SLC6A19: variants seen among roughly 807,000 people sequenced by gnomAD.
SLC6A19 encodes solute carrier family 6 member 19.
SLC6A19 carries 67 observed loss-of-function variants against 68.3 expected under a neutral mutation model. The ratio of observed to expected loss-of-function variants is 0.98; its 90% confidence interval spans 0.81 to 1.20. The LOEUF (loss-of-function observed/expected upper bound fraction) is 1.20, where lower values mean the gene tolerates loss of function less well. Among genes scored for constraint, SLC6A19 ranks in the 50% most tolerant of loss-of-function variants. SLC6A19 has a pLI of 0.00. For synonymous variants in SLC6A19, 392 were observed against 374.9 expected (o/e 1.05, Z -0.53); for missense variants, 813 against 851.6 (o/e 0.95, Z 0.56).
intron 1 of SLC6A19, among the ~76,000 whole-genome samples, chr5:1,202,127 C>T (rs558879348): frequency 3.9e-5 from 6 of 152,172 alleles, no homozygotes; most frequent in Non-Finnish European, 5.9e-5. Context: ...AGTCCTGGAA[C>T]GTTCTGGCCT....
At chr5:1,202,625 C>A (rs913052017) in intron 1 of SLC6A19, among the ~76,000 whole-genome samples, 1 of 152,106 alleles carries the variant, frequency 6.6e-6, no homozygotes, top group Admixed American at 6.5e-5. Flanking sequence ...GCTTTCTCAG[C>A]GGAAGGTCCA....
At chr5:1,210,227 G>A (rs956920652) in intron 2 of SLC6A19, among the ~76,000 whole-genome samples, 13 of 151,884 alleles carry the variant, frequency 8.6e-5, no homozygotes, top group African/African-American at 2.7e-4. Context: ...CAGGGCAGGC[G>A]TGTGCCAGGA....
At chr5:1,205,422 G>A (rs1271123665) in intron 1 of SLC6A19, among the ~76,000 whole-genome samples, 1 of 152,216 alleles carries the variant, frequency 6.6e-6, no homozygotes, top group African/African-American at 2.4e-5. Flanking sequence ...GGGGTGGAGT[G>A]GGTGTGTGCC....
rs569151952 is a variant in SLC6A19 at position 1,214,423 on chromosome 5, C to T, written c.887+358C>T. On this transcript the variant is annotated intron_variant, in intron 6 of 11. Coordinates refer to ENST00000304460, the MANE Select transcript of SLC6A19 (RefSeq NM_001003841.3). The surrounding 1 kb of genome is among the most constrained non-coding windows in gnomAD (Gnocchi z 7.4). The stretch of plus-strand genomic sequence containing the variant: ...TCCCAGGCCCCCAGACATGTGGCGC[C>T]CCCGACGCCCTCCACGTCCCCGACC... 3.9e-5 allele frequency among the ~76,000 whole-genome samples: 6 copies of T among 152,276 alleles called. No individual in the cohort carries two copies. In the South Asian group the frequency reaches 1.2e-3, roughly 32 times the overall value.
At chr5:1,216,030 C>T (rs937117170) in intron 6 of SLC6A19, among the ~76,000 whole-genome samples, 36 of 152,134 alleles carry the variant, frequency 2.4e-4, no homozygotes, top group African/African-American at 7.7e-4. Flanking sequence ...CAGCATCAAC[C>T]GAAATGGGAA....
intron 8 of SLC6A19, among the ~76,000 whole-genome samples, chr5:1,217,360 G>A (rs896916661): frequency 1.3e-5 from 2 of 152,262 alleles, no homozygotes; most frequent in Non-Finnish European, 2.9e-5. Context: ...ACTGGCGGGC[G>A]AGGCTCAGCC....
In SLC6A19 at chr5:1,210,503, T is replaced by G. The variant is rs1292124668; in HGVS notation, c.403T>G (p.Trp135Gly). 10 of 1,613,408 alleles carry G rather than the reference T, an allele frequency of 6.2e-6. No homozygotes were observed. The highest frequency in any genetic ancestry group is 7.6e-6 in the Non-Finnish European group (9 of 1,180,022). Residue 135 changes from tryptophan (W) to glycine (G), a missense_variant, in exon 3 of 12, where the codon TGG becomes GGG. Coordinates refer to ENST00000304460, the MANE Select transcript of SLC6A19 (RefSeq NM_001003841.3). Reference protein sequence around the residue: ...VGLYYNTIISWIMWYLFNSFQ... With the variant: ...VGLYYNTIISGIMWYLFNSFQ... ...ACTGTATTACAACACCATCATCTCC[T>G]GGATCATGTGGTACTTATTCAACTC...
rs1023026278 is a variant in SLC6A19, at chr5:1,222,018, C to T, written c.*114C>T. On this transcript the variant is annotated 3_prime_UTR_variant, in exon 12 of 12. Transcript: ENST00000304460. ...ATGTGTGTAAGCGTGAGTGTATGCTCGTGTGTGAGTGTGTGTATTGTACAC... is the reference window on the plus strand; with the variant it reads ...ATGTGTGTAAGCGTGAGTGTATGCTTGTGTGTGAGTGTGTGTATTGTACAC... 18 of 1,166,350 alleles carry T rather than the reference C, an allele frequency of 1.5e-5. No homozygotes were observed. The highest frequency in any genetic ancestry group is 1.6e-5 in the Non-Finnish European group (13 of 812,544). The allele number at this position is 1,166,350 out of a possible 1,614,324, so 72.3% of individuals were successfully genotyped here.
chr5:1,216,735 A>G, intron 7 of SLC6A19, 49 bp downstream of exon 7: 1 of 1,613,578 alleles, frequency 6.2e-7, no homozygotes, highest in Non-Finnish European at 8.5e-7. Flanking sequence ...GCCTCCAGGA[A>G]GCCTCCCAGC....
At chr5:1,208,701 C>G (rs142816474) in intron 1 of SLC6A19, 45 bp from the exon 2 acceptor site, 2 of 1,612,680 alleles carry the variant, frequency 1.2e-6, no homozygotes, top group East Asian at 2.2e-5. Flanking sequence ...CCTTCCTGCT[C>G]CCCCGGGAAC....
In SLC6A19 at chr5:1,222,604, T is replaced by C. The variant is rs879433890; in HGVS notation, c.*700T>C. On this transcript the variant is annotated 3_prime_UTR_variant, in exon 12 of 12. Coordinates refer to ENST00000304460, the MANE Select transcript of SLC6A19 (RefSeq NM_001003841.3). ...TGTATATGTGTGTGATGTGTGCTCG[T>C]GTGTGTGCATATTCAGGCAGGTGTG... 3 of 312,094 alleles carry C rather than the reference T, an allele frequency of 9.6e-6. No homozygotes were observed. The highest frequency in any genetic ancestry group is 1.2e-5 in the Non-Finnish European group (2 of 168,800). 19.3% of individuals were successfully genotyped at this position (312,094 alleles called of 1,614,324 possible). A position where few individuals can be genotyped will look rare whatever the true frequency, so the allele number is the denominator to read the frequency against.
intron 8 of SLC6A19, among the ~76,000 whole-genome samples, chr5:1,218,409 T>TG (rs1180856340): frequency 6.6e-6 from 1 of 152,170 alleles, no homozygotes; most frequent in Non-Finnish European, 1.5e-5. Flanking sequence ...TGGTTCTTGG[T>TG]GACGGTCTGG....
At chr5:1,203,791 C>T (rs1475253365) in intron 1 of SLC6A19, among the ~76,000 whole-genome samples, 2 of 152,246 alleles carry the variant, frequency 1.3e-5, no homozygotes, top group Admixed American at 6.5e-5. Flanking sequence ...CAGAGGGACT[C>T]GGGCCAGAAG....
chr5:1,221,173 A>G lies in SLC6A19; in HGVS notation c.1561A>G (p.Met521Val). The G allele has an allele frequency of 6.2e-7, 1 of 1,614,002 alleles. No homozygotes were observed. The highest frequency in any genetic ancestry group is 8.5e-7 in the Non-Finnish European group (1 of 1,179,964). The change falls in exon 11 of 12, where the codon ATG becomes GTG. Residue 521 changes from methionine (M) to valine (V), a missense_variant. Coordinates refer to ENST00000304460, the MANE Select transcript of SLC6A19 (RefSeq NM_001003841.3). ...CAGGTTCAATAAGGACATCGAGTTCATGATCGGCCACAAGCCCAACATCTT... is the reference window on the plus strand; with the variant it reads ...CAGGTTCAATAAGGACATCGAGTTCGTGATCGGCCACAAGCCCAACATCTT... ...VDRFNKDIEF[M>V]IGHKPNIFWQ...
chr5:1,221,603 G>A, intron 11 of SLC6A19, 98 bp from the exon 12 acceptor site: 1 of 1,482,124 alleles, frequency 6.7e-7, no homozygotes, highest in Non-Finnish European at 9.3e-7. Context: ...CTGCCCCACA[G>A]GACAGGAGGT....
rs762018842 is a variant in SLC6A19, at chr5:1,214,074, G to A, written c.887+9G>A. Reference sequence around the variant, plus strand: ...AGCTACAACTCTGTGCAGTGAGTGCGGGTGTGGTGGGCCTCAGTTTCCCTC... The same window carrying A: ...AGCTACAACTCTGTGCAGTGAGTGCAGGTGTGGTGGGCCTCAGTTTCCCTC... On this transcript the variant is annotated intron_variant, in intron 6 of 11. Transcript: ENST00000304460. This position sits in a 1 kb window ranked among gnomAD's most constrained non-coding sequence, Gnocchi z 7.4. 15 of 1,613,758 alleles carry A rather than the reference G, an allele frequency of 9.3e-6. No homozygotes were observed. In the African/African-American group the frequency reaches 1.1e-4, roughly 11 times the overall value.
rs772881058 is a variant in SLC6A19, at chr5:1,219,674, A to G, written c.1538+10A>G. The G allele has an allele frequency of 2.5e-6, 4 of 1,602,730 alleles. No individual in the cohort carries two copies. In the African/African-American group the frequency reaches 5.3e-5, roughly 21 times the overall value. ...TGTACGGTGTGGACAGGTAGGGGCC[A>G]CGGTGGGGACAGGTGCCTCTAATGC... On this transcript the variant is annotated intron_variant, in intron 10 of 11. Transcript: ENST00000304460.
chr5:1,208,035 T>G (rs1451386728), intron 1 of SLC6A19, among the ~76,000 whole-genome samples: 1 of 152,204 alleles, frequency 6.6e-6, no homozygotes, highest in Non-Finnish European at 1.5e-5. Context: ...CAATTTTTTA[T>G]TATTATTGAA....
intron 1 of SLC6A19, 112 bp downstream of exon 1, chr5:1,201,964 G>A (rs953972167): frequency 3.6e-6 from 5 of 1,378,472 alleles, no homozygotes; most frequent in Non-Finnish European, 4.9e-6. Context: ...AAGCACGGAG[G>A]GGAGAGGAGA....
Sources: allele counts gnomAD v4.1 joint callset (sites outside exome capture counted in the v4.1 genomes callset), GRCh38; gene constraint gnomAD v4.1.1; non-coding constraint Gnocchi (gnomAD v3.1); transcripts MANE v1.5; gene names NCBI Gene and HGNC (gene_info 2026-07-23, HGNC 2026-07-21).